Variants in CYP2J2 observed in about 807,000 individuals in gnomAD.
CYP2J2 encodes cytochrome P450 family 2 subfamily J member 2, also known as cytochrome P450 2J2.
CYP2J2 carries 41 observed loss-of-function variants against 48.8 expected under a neutral mutation model. The ratio of observed to expected loss-of-function variants is 0.84; its 90% confidence interval spans 0.66 to 1.09. The LOEUF is 1.09. Ranked by LOEUF, CYP2J2 falls within the 50% of genes least tolerant of loss-of-function variation. The pLI is 0.00. For missense variants in CYP2J2, 644 were observed against 617.3 expected (o/e 1.04, Z -0.46); for synonymous variants, 221 against 227.1 (o/e 0.97, Z 0.24).
chr1:59,926,630 G>T lies in CYP2J2; in HGVS notation c.117C>A (p.Arg39=). The T allele has an allele frequency of 6.2e-7, 1 of 1,614,230 alleles. No individual in the cohort carries two copies. The highest frequency in any genetic ancestry group is 8.5e-7 in the Non-Finnish European group (1 of 1,180,046). ...AGGGCCCCGGCGGGTAGTTCTTTGGGCGCCGTCTTTTGAGAAAGTCAGCAG... is the reference window on the plus strand; with the variant it reads ...AGGGCCCCGGCGGGTAGTTCTTTGGTCGCCGTCTTTTGAGAAAGTCAGCAG... The part of the protein sequence containing the change: ...LLAADFLKRR[R]PKNYPPGPWR... Residue 39 remains arginine, a synonymous_variant, in exon 1 of 9, where the codon CGC becomes CGA. Coordinates refer to ENST00000371204, the MANE Select transcript of CYP2J2 (RefSeq NM_000775.4).
chr1:59,898,869 G>A (rs1644292703), intron 8 of CYP2J2, among the ~76,000 whole-genome samples: 1 of 152,046 alleles, frequency 6.6e-6, no homozygotes, highest in South Asian at 2.1e-4. Flanking sequence ...TCTCTAAGAG[G>A]GTGCAATACA....
At chr1:59,942,525 T>C in the CYP2J2 span, among the ~76,000 whole-genome samples, 3 of 152,060 alleles carry the variant, frequency 2.0e-5, no homozygotes, top group East Asian at 5.8e-4. Flanking sequence ...TAAGCCAGGG[T>C]CAGTTTGGTT....
chr1:59,959,079 C>T, the CYP2J2 span, among the ~76,000 whole-genome samples: 34 of 152,096 alleles, frequency 2.2e-4, no homozygotes, highest in Non-Finnish European at 1.5e-4. Context: ...GCTCAGATCC[C>T]GCTCACCTTC....
At chr1:59,939,233 A>G in the CYP2J2 span, among the ~76,000 whole-genome samples, 3 of 152,344 alleles carry the variant, frequency 2.0e-5, no homozygotes, top group East Asian at 5.8e-4. Context: ...CTTCCTGGGA[A>G]GAATTTCCAG....
At chr1:59,924,762 C>A (rs919635079) in intron 1 of CYP2J2, among the ~76,000 whole-genome samples, 3 of 151,418 alleles carry the variant, frequency 2.0e-5, no homozygotes, top group African/African-American at 7.3e-5. Context: ...GCATAAAAAA[C>A]AGGAAAAACA....
In CYP2J2 at chr1:59,924,880, A is replaced by G. The variant is rs1644551462; in HGVS notation, c.210+1657T>C. On this transcript the variant is annotated intron_variant, in intron 1 of 8. Transcript: ENST00000371204. ...GACAGAGATTGCCAGAATGAAAAAA[A>G]AGACCCAAGTATATGCTGCCTTCAA... 2.0e-5 allele frequency among the ~76,000 whole-genome samples: 3 copies of G among 152,104 alleles called. No individual in the cohort carries two copies. The South Asian group carries it at 6.2e-4, about 31-fold the overall frequency.
chr1:59,901,197 G>T, intron 7 of CYP2J2, 94 bp from the exon 8 acceptor site: 1 of 1,374,192 alleles, frequency 7.3e-7, no homozygotes, highest in Non-Finnish European at 1.0e-6. Flanking sequence ...CTTGCCGGGG[G>T]CCTGAACATA....
At chr1:59,918,534 T>C (rs974162026) in intron 1 of CYP2J2, among the ~76,000 whole-genome samples, 1 of 152,182 alleles carries the variant, frequency 6.6e-6, no homozygotes, top group African/African-American at 2.4e-5. Flanking sequence ...AGGATGGCGA[T>C]GTCTAACAAT....
rs993106120 is a variant in CYP2J2, at chr1:59,899,817, T to C, written c.1330+1148A>G. 2.6e-5 allele frequency among the ~76,000 whole-genome samples: 4 copies of C among 152,234 alleles called. No homozygotes were observed. In the East Asian group the frequency reaches 7.7e-4, roughly 29 times the overall value. ...TGGGAGCAGTTTTGTTTTGTTTTGG[T>C]TTCTGTTTCACTCATTCATTGTCAT... On this transcript the variant is annotated intron_variant, in intron 8 of 8. Coordinates refer to ENST00000371204, the MANE Select transcript of CYP2J2 (RefSeq NM_000775.4).
chr1:59,931,892 T>C, the CYP2J2 span, among the ~76,000 whole-genome samples: 2 of 152,156 alleles, frequency 1.3e-5, no homozygotes, highest in Non-Finnish European at 2.9e-5. Context: ...TCAGGATAAT[T>C]TGAGATTTAA....
chr1:59,911,485 A>T lies in CYP2J2; in HGVS notation c.684+123T>A. Reference sequence around the variant, plus strand: ...TTATTTCAAATAAGTTTGTGTTGAAATTAGTTTTGAAAGGTTATATTTTAA... The same window carrying T: ...TTATTTCAAATAAGTTTGTGTTGAATTTAGTTTTGAAAGGTTATATTTTAA... On this transcript the variant is annotated intron_variant, in intron 4 of 8. Coordinates refer to ENST00000371204, the MANE Select transcript of CYP2J2 (RefSeq NM_000775.4). 4 of 624,108 alleles carry T rather than the reference A, an allele frequency of 6.4e-6. No homozygotes were observed. The South Asian group carries it at 8.0e-5, about 13-fold the overall frequency. 38.7% of individuals were successfully genotyped at this position (624,108 alleles called of 1,614,324 possible).
intron 1 of CYP2J2, 124 bp from the exon 2 acceptor site, chr1:59,916,224 CGTGTGTGT>C (rs147421653): frequency 1.8e-5 from 11 of 601,834 alleles, no homozygotes; most frequent in Admixed American, 1.2e-4. Context: ...TGTGTGTGTA[CGTGTGTGT>C]GTGTGTGTGT....
At chr1:59,952,505 G>C in the CYP2J2 span, among the ~76,000 whole-genome samples, 1 of 152,080 alleles carries the variant, frequency 6.6e-6, no homozygotes, top group African/African-American at 2.4e-5. Flanking sequence ...ATCAGGCATT[G>C]TCTAATTGGT....
At chr1:59,925,232 T>C (rs899414422) in intron 1 of CYP2J2, among the ~76,000 whole-genome samples, 1 of 152,122 alleles carries the variant, frequency 6.6e-6, no homozygotes, top group Non-Finnish European at 1.5e-5. Context: ...CAGTAATTGA[T>C]AGAATAAGTA....
chr1:59,905,734 AC>A (rs1644359230), intron 6 of CYP2J2, among the ~76,000 whole-genome samples: 1 of 152,222 alleles, frequency 6.6e-6, no homozygotes, highest in African/African-American at 2.4e-5. Flanking sequence ...GGATGTTTTG[AC>A]ATTCACATGA....
rs866946075 is a variant in CYP2J2, at chr1:59,909,816, A to C, written c.829T>G (p.Phe277Val). The part of the protein sequence containing the change: ...KDWNPAETRD[F>V]IDAYLKEMSK... ...ATTTCTTTAAGGTAAGCATCAATAA[A>C]GTCTCTTGTTTCTGCAGGATTCCAA... Residue 277 changes from phenylalanine to valine, a missense_variant, in exon 5 of 9, where the codon TTT becomes GTT. Coordinates refer to ENST00000371204, the MANE Select transcript of CYP2J2 (RefSeq NM_000775.4). 15 of 1,597,230 alleles carry C rather than the reference A, an allele frequency of 9.4e-6. No homozygotes were observed. In the African/African-American group the frequency reaches 1.5e-4, roughly 16 times the overall value.
chr1:59,929,206 G>A (rs1380717886), upstream of CYP2J2, among the ~76,000 whole-genome samples: 1 of 152,212 alleles, frequency 6.6e-6, no homozygotes, highest in Non-Finnish European at 1.5e-5. Flanking sequence ...GCTTTACACT[G>A]TGGGGAAAAT....
At chr1:59,901,875 T>C (rs1644323093) in intron 7 of CYP2J2, among the ~76,000 whole-genome samples, 1 of 151,974 alleles carries the variant, frequency 6.6e-6, no homozygotes, top group Non-Finnish European at 1.5e-5. Flanking sequence ...GAGAGTGAGC[T>C]TCTAGCATGA....
chr1:59,952,849 C>G, the CYP2J2 span, among the ~76,000 whole-genome samples: 1 of 152,122 alleles, frequency 6.6e-6, no homozygotes, highest in African/African-American at 2.4e-5. Flanking sequence ...CTCTACCTAT[C>G]TTTTGTTTGC....
Sources: gnomAD v4.1 joint callset for allele counts (sites outside exome capture counted in the v4.1 genomes callset) on GRCh38, gnomAD v4.1.1 for gene constraint, MANE v1.5 for transcripts, NCBI Gene and HGNC (gene_info 2026-07-23, HGNC 2026-07-21) for gene names.